The following SLC2A13 variants were observed in gnomAD, a reference collection of about 807,000 sequenced individuals.
SLC2A13 encodes the protein solute carrier family 2 member 13.
SLC2A13 carries 32 observed loss-of-function variants against 64.4 expected under a neutral mutation model. That is an observed-to-expected ratio of 0.50 (90% confidence interval 0.37 to 0.67). The LOEUF (loss-of-function observed/expected upper bound fraction) is 0.67. Among genes scored for constraint, SLC2A13 ranks in the 30% least tolerant of loss-of-function variants. The pLI, the probability that SLC2A13 is intolerant of heterozygous loss-of-function variation, is 0.00. For synonymous variants in SLC2A13, 338 were observed against 327.1 expected (o/e 1.03, Z -0.36); for missense variants, 743 against 829.2 (o/e 0.90, Z 1.28).
intron 7 of SLC2A13, among the ~76,000 whole-genome samples, chr12:39,796,422 T>TA (rs10545679): frequency 0.017 from 2,014 of 117,576 alleles, 44 homozygotes; most frequent in African/African-American, 0.053. Context: ...GGACCCATCT[T>TA]AAAAAAAAAA....
intron 3 of SLC2A13, among the ~76,000 whole-genome samples, chr12:40,004,542 T>C (rs1454437633): frequency 6.6e-6 from 1 of 151,930 alleles, no homozygotes; most frequent in Admixed American, 6.6e-5. Context: ...CTGAGGCGTA[T>C]CCTGGAATCA....
At chr12:39,774,916 G>A (rs964777546) in intron 7 of SLC2A13, among the ~76,000 whole-genome samples, 9 of 152,138 alleles carry the variant, frequency 5.9e-5, no homozygotes, top group Admixed American at 2.0e-4. Flanking sequence ...ATTTAAAGGT[G>A]ATGAGACTAT....
intron 7 of SLC2A13, among the ~76,000 whole-genome samples, chr12:39,790,458 G>A (rs1941355634): frequency 6.7e-6 from 1 of 148,924 alleles, no homozygotes; most frequent in Non-Finnish European, 1.5e-5. Flanking sequence ...CTATGAGTGA[G>A]AATATGCGGT....
chr12:39,872,175 A>G (rs1189340136), intron 4 of SLC2A13, among the ~76,000 whole-genome samples: 1 of 152,206 alleles, frequency 6.6e-6, no homozygotes, highest in Admixed American at 6.5e-5. Flanking sequence ...ATAATCAAGA[A>G]AAGGCACCTG....
At chr12:39,977,113 T>C (rs1946774656) in intron 3 of SLC2A13, among the ~76,000 whole-genome samples, 1 of 152,122 alleles carries the variant, frequency 6.6e-6, no homozygotes. Context: ...AAGAGGAAGG[T>C]AGGCATGAGC....
chr12:39,764,034 T>C (rs114277242), intron 9 of SLC2A13, among the ~76,000 whole-genome samples: 2,769 of 152,218 alleles, frequency 0.018, 86 homozygotes, highest in African/African-American at 0.063. Flanking sequence ...CTTTCAGCCC[T>C]ACGCAGATTC....
chr12:39,893,011 A>T (rs1283875507), intron 4 of SLC2A13, among the ~76,000 whole-genome samples: 1 of 152,222 alleles, frequency 6.6e-6, no homozygotes, highest in African/African-American at 2.4e-5. Flanking sequence ...ATTTGCTTTA[A>T]GCTACTCTAA....
At chr12:39,910,721 T>G (rs1322003711) in intron 4 of SLC2A13, among the ~76,000 whole-genome samples, 1 of 152,056 alleles carries the variant, frequency 6.6e-6, no homozygotes, top group Non-Finnish European at 1.5e-5. Context: ...GGGCTATGTA[T>G]GACTATATGT....
At chr12:39,838,571 T>C (rs899107026) in intron 6 of SLC2A13, among the ~76,000 whole-genome samples, 2 of 150,666 alleles carry the variant, frequency 1.3e-5, no homozygotes, top group African/African-American at 2.4e-5. Context: ...TAAGTATTCA[T>C]ATATTTAGAA....
chr12:39,887,026 C>T (rs540884658), intron 4 of SLC2A13, among the ~76,000 whole-genome samples: 1 of 152,242 alleles, frequency 6.6e-6, no homozygotes, highest in Admixed American at 6.5e-5. Flanking sequence ...AACAGAATAG[C>T]TCTACAGTCC....
chr12:39,944,411 C>T (rs1946100494), intron 4 of SLC2A13, among the ~76,000 whole-genome samples: 1 of 152,208 alleles, frequency 6.6e-6, no homozygotes, highest in African/African-American at 2.4e-5. Flanking sequence ...GACTTTTTGT[C>T]TTGATGACCT....
Position 40,028,309 on chromosome 12 carries a change from A to G in SLC2A13, c.917T>C (p.Val306Ala), listed in dbSNP as rs994268394. 6.2e-6 allele frequency: 10 copies of G among 1,613,356 alleles called. No individual in the cohort carries two copies. The highest frequency in any genetic ancestry group is 7.6e-6 in the Non-Finnish European group (9 of 1,179,792). The change falls in exon 3 of 10, where the codon GTT (valine) becomes GCT (alanine). Residue 306 changes from valine to alanine, a missense_variant. Transcript: ENST00000280871. ...GTATAAAGTCTATATACCTGAGCCA[A>G]CCTCTTTTTCCTCCTCTTCAATGTT... ...KNNIEEEEKE[V>A]GSAGPVICRM...
chr12:40,022,270 G>A (rs1947732711), intron 3 of SLC2A13, among the ~76,000 whole-genome samples: 1 of 152,140 alleles, frequency 6.6e-6, no homozygotes, highest in African/African-American at 2.4e-5. Context: ...TTAAATAATG[G>A]AAATCTTGCT....
In SLC2A13 at chr12:40,101,826, G is replaced by T. The variant is rs866403942; in HGVS notation, c.556+3427C>A. 9.0e-4 allele frequency among the ~76,000 whole-genome samples: 125 copies of T among 138,730 alleles called. No homozygotes were observed. In the East Asian group the frequency reaches 0.022, roughly 24 times the overall value. 91.0% of individuals were successfully genotyped at this position (138,730 alleles called of 152,430 possible). On this transcript the variant is annotated intron_variant, in intron 1 of 9. Coordinates refer to ENST00000280871, the MANE Select transcript of SLC2A13 (RefSeq NM_052885.4). The stretch of plus-strand genomic sequence containing the variant: ...CAGAGCAAAAGACTCAAGGTTGTTT[G>T]TTTTTTTTTTTTAATCCTGTCTCTG...
intron 7 of SLC2A13, among the ~76,000 whole-genome samples, chr12:39,808,079 A>G (rs941394168): frequency 7.9e-5 from 12 of 152,194 alleles, no homozygotes; most frequent in Admixed American, 2.6e-4. Flanking sequence ...CACAGACAAG[A>G]GAGTAAACAT....
intron 4 of SLC2A13, among the ~76,000 whole-genome samples, chr12:39,932,422 A>G (rs1005423430): frequency 1.2e-4 from 18 of 152,186 alleles, no homozygotes; most frequent in Admixed American, 5.2e-4. Context: ...CAGAAGCACA[A>G]TCATCAACGT....
Position 39,891,975 on chromosome 12 carries a change from AT to A in SLC2A13, c.1035-20015del, listed in dbSNP as rs202055563. 7.7e-3 allele frequency among the ~76,000 whole-genome samples: 1,177 copies of A among 152,278 alleles called. 18 individuals are homozygous for A. Among genetic ancestry groups the A allele is most frequent in the African/African-American group, 0.027 (1,114 of 41,534 alleles). The stretch of plus-strand genomic sequence containing the variant: ...TTTGGGAAATATGGTTATCTGAACG[AT>A]TTTTTTACTAGGTTTAATCAAGTCT... On this transcript the variant is annotated intron_variant, in intron 4 of 9. Transcript: ENST00000280871.
chr12:39,764,715 G>A, intron 8 of SLC2A13, 22 bp downstream of exon 8: 1 of 1,610,112 alleles, frequency 6.2e-7, no homozygotes. Flanking sequence ...TAATGCAACA[G>A]TATAACAAAG....
At chr12:40,038,361 CATTT>C (rs1350287899) in intron 2 of SLC2A13, among the ~76,000 whole-genome samples, 2 of 152,198 alleles carry the variant, frequency 1.3e-5, no homozygotes, top group East Asian at 1.9e-4. Context: ...GCATATATTT[CATTT>C]ATTTATTTAA....
Sources: allele counts gnomAD v4.1 joint callset (sites outside exome capture counted in the v4.1 genomes callset), GRCh38; gene constraint gnomAD v4.1.1; transcripts MANE v1.5; gene names NCBI Gene and HGNC (gene_info 2026-07-23, HGNC 2026-07-21).